Variants in PDE8A observed in about 807,000 individuals in gnomAD.
PDE8A encodes the protein phosphodiesterase 8A, also known as high affinity cAMP-specific and IBMX-insensitive 3',5'-cyclic phosphodiesterase 8A.
PDE8A carries 59 observed loss-of-function variants against 105.0 expected under a neutral mutation model. The ratio of observed to expected loss-of-function variants is 0.56; its 90% CI spans 0.46 to 0.70. The LOEUF is 0.70. Among genes scored for constraint, PDE8A ranks in the 30% least tolerant of loss-of-function variants. The probability of loss-of-function intolerance (pLI) is 0.00; values close to 1 mark genes in which losing one functional copy is unlikely to be tolerated. For synonymous variants in PDE8A, 355 were observed against 371.9 expected, an observed-to-expected ratio of 0.95 and a Z score of 0.52; for missense variants, 1,014 against 1,045.9, an observed-to-expected ratio of 0.97 and a Z score of 0.42.
intron 1 of PDE8A, among the ~76,000 whole-genome samples, chr15:85,045,687 G>C (rs2080875900): frequency 6.6e-6 from 1 of 152,182 alleles, no homozygotes; most frequent in South Asian, 2.1e-4. Flanking sequence ...TGTACTCCTA[G>C]TATCTAGCAC....
intron 11 of PDE8A, among the ~76,000 whole-genome samples, chr15:85,103,838 C>T (rs945805251): frequency 3.3e-5 from 5 of 152,134 alleles, no homozygotes; most frequent in Admixed American, 2.0e-4. Flanking sequence ...CTTCACACCT[C>T]GCTTCCTTAC....
intron 1 of PDE8A, among the ~76,000 whole-genome samples, chr15:85,036,123 G>T (rs2080702716): frequency 6.6e-6 from 1 of 152,164 alleles, no homozygotes; most frequent in African/African-American, 2.4e-5. Context: ...TAGAAAATGG[G>T]AAGACTTAAC....
chr15:85,025,522 C>T (rs1422110704), intron 1 of PDE8A, among the ~76,000 whole-genome samples: 2 of 152,212 alleles, frequency 1.3e-5, no homozygotes, highest in African/African-American at 4.8e-5. Context: ...ACCAATTACA[C>T]TTAAATTCTC....
chr15:85,012,689 A>T (rs2080260378), intron 1 of PDE8A, among the ~76,000 whole-genome samples: 1 of 151,948 alleles, frequency 6.6e-6, no homozygotes, highest in Non-Finnish European at 1.5e-5. Context: ...CCTAAAACTT[A>T]AAGTATAATA....
intron 11 of PDE8A, among the ~76,000 whole-genome samples, chr15:85,107,345 A>T (rs915027837): frequency 1.3e-5 from 2 of 152,228 alleles, no homozygotes; most frequent in Non-Finnish European, 2.9e-5. Flanking sequence ...ATCTTATCCT[A>T]AAGACAAGGA....
At chr15:85,104,264 G>C (rs1370179932) in intron 11 of PDE8A, among the ~76,000 whole-genome samples, 2 of 152,126 alleles carry the variant, frequency 1.3e-5, no homozygotes, top group Non-Finnish European at 2.9e-5. Flanking sequence ...GAAAAGCTGG[G>C]GAATGCTTCC....
intron 6 of PDE8A, among the ~76,000 whole-genome samples, chr15:85,088,741 A>C (rs886292789): frequency 4.6e-5 from 7 of 152,036 alleles, no homozygotes; most frequent in Non-Finnish European, 4.4e-5. Context: ...ATTTTTGTTA[A>C]TGTTTATTTT....
chr15:85,122,909 C>A, intron 18 of PDE8A, 152 bp from the exon 19 acceptor site: 1 of 787,310 alleles, frequency 1.3e-6, no homozygotes, highest in Non-Finnish European at 2.0e-6. Flanking sequence ...CCCCTAACTT[C>A]CATGTCTTTT....
At chr15:85,095,317 T>G (rs1296393126) in intron 8 of PDE8A, among the ~76,000 whole-genome samples, 2 of 152,182 alleles carry the variant, frequency 1.3e-5, no homozygotes, top group East Asian at 3.8e-4. Flanking sequence ...AAGGTTGTAC[T>G]ATTATTATTC....
rs868567430 is a variant in PDE8A, at chr15:85,076,624, C to T, written c.492-109C>T. 6.0e-5 allele frequency: 44 copies of T among 732,334 alleles called. No individual in the cohort carries two copies. The Middle Eastern group carries it at 1.6e-3, about 27-fold the overall frequency. The allele number at this position is 732,334 out of a possible 1,614,324, so 45.4% of individuals were successfully genotyped here. ...AAATTTGTATATTAATCTGATTCAT[C>T]TAAAAGTACTCATTACATAACGAAG... On this transcript the variant is annotated intron_variant, in intron 4 of 21. Transcript: ENST00000394553.
At chr15:85,080,062 CAT>C (rs566733455) in intron 5 of PDE8A, among the ~76,000 whole-genome samples, 7 of 151,992 alleles carry the variant, frequency 4.6e-5, no homozygotes, top group Non-Finnish European at 1.0e-4. Flanking sequence ...AGTAAAAGAA[CAT>C]AGAGGTAGCA....
At chr15:85,046,256 C>G (rs189973154) in intron 1 of PDE8A, among the ~76,000 whole-genome samples, 286 of 152,142 alleles carry the variant, frequency 1.9e-3, no homozygotes, top group Middle Eastern at 0.017. Flanking sequence ...ACTATGTTGG[C>G]TAGGCTGGTC....
At chr15:85,083,747 A>G in intron 6 of PDE8A, 103 bp downstream of exon 6, 1 of 739,320 alleles carries the variant, frequency 1.4e-6, no homozygotes, top group Middle Eastern at 2.6e-4. Flanking sequence ...TCTTGCAGAA[A>G]TGGGATTGGA....
At chr15:85,045,428 A>G (rs1479926349) in intron 1 of PDE8A, among the ~76,000 whole-genome samples, 1 of 152,212 alleles carries the variant, frequency 6.6e-6, no homozygotes, top group Non-Finnish European at 1.5e-5. Context: ...TTCAGACAGA[A>G]CTGGGTCCCA....
chr15:85,016,911 T>C (rs1425802620), intron 1 of PDE8A, among the ~76,000 whole-genome samples: 2 of 152,100 alleles, frequency 1.3e-5, no homozygotes, highest in East Asian at 3.9e-4. Flanking sequence ...CTTTCATAAG[T>C]AGGATTTTCT....
At chr15:85,075,471 C>T (rs2141480190) in intron 3 of PDE8A, among the ~76,000 whole-genome samples, 1 of 152,318 alleles carries the variant, frequency 6.6e-6, no homozygotes, top group East Asian at 1.9e-4. Flanking sequence ...TAAGCATAGC[C>T]ATCATCTTGT....
chr15:85,082,480 A>G (rs1305540439), intron 5 of PDE8A, among the ~76,000 whole-genome samples: 1 of 152,208 alleles, frequency 6.6e-6, no homozygotes, highest in Non-Finnish European at 1.5e-5. Flanking sequence ...TAGGTGCCTC[A>G]TATACAATCA....
At chr15:85,104,465 G>A (rs1482364597) in intron 11 of PDE8A, among the ~76,000 whole-genome samples, 1 of 152,006 alleles carries the variant, frequency 6.6e-6, no homozygotes, top group African/African-American at 2.4e-5. Context: ...AAAGGGTCAG[G>A]TCTTAGGAAG....
chr15:85,026,298 G>C (rs554684958), intron 1 of PDE8A, among the ~76,000 whole-genome samples: 197 of 152,162 alleles, frequency 1.3e-3, no homozygotes, highest in African/African-American at 4.5e-3. Context: ...TCATTTGGAG[G>C]CTCTTTTACT....
Sources: allele counts gnomAD v4.1 joint callset (sites outside exome capture counted in the v4.1 genomes callset), GRCh38; gene constraint gnomAD v4.1.1; transcripts MANE v1.5; gene names NCBI Gene and HGNC (gene_info 2026-07-23, HGNC 2026-07-21).